RNF40: variants seen among roughly 807,000 people sequenced by gnomAD.
RNF40 encodes E3 ubiquitin-protein ligase BRE1B.
RNF40 carries 39 observed loss-of-function variants against 123.3 expected under a neutral mutation model. That is an observed-to-expected ratio of 0.32 (90% CI 0.24 to 0.41). The LOEUF is 0.41. Ranked by LOEUF, RNF40 falls within the 10% of genes least tolerant of loss-of-function variation. RNF40 has a pLI of 1.00. For missense variants in RNF40, 1,003 were observed against 1,319.9 expected, an observed-to-expected ratio of 0.76 and a Z score of 3.72; for synonymous variants, 538 against 526.0, an observed-to-expected ratio of 1.02 and a Z score of -0.31.
chr16:30,771,894 G>T lies in RNF40; in HGVS notation c.2648G>T (p.Arg883Leu). 1 of 1,609,654 alleles carries T rather than the reference G, an allele frequency of 6.2e-7. No individual in the cohort carries two copies. Among genetic ancestry groups the T allele is most frequent in the South Asian group, 1.1e-5 (1 of 90,654 alleles). The change falls in exon 18 of 20, where the codon CGG becomes CTG. Residue 883 changes from arginine to leucine, a missense_variant. By Grantham distance (102) the Arg-to-Leu change is moderately radical. Around this residue, in one of 11 missense-constraint regions of RNF40, gnomAD observed 121 missense variants for 125.3 expected, o/e 0.97. Coordinates refer to ENST00000324685, the MANE Select transcript of RNF40 (RefSeq NM_014771.4). ...GTGCAGCTGGAGCACGTGCAGACTC[G>T]GCTGCGGGAGATCCAGCCCTGCCTG... is the stretch of plus-strand genomic sequence containing the variant. ...LKVQLEHVQT[R>L]LREIQPCLAE...
chr16:30,762,771 A>G (rs2151324315), intron 2 of RNF40, 94 bp downstream of exon 2: 1 of 1,501,696 alleles, frequency 6.7e-7, no homozygotes, highest in Non-Finnish European at 9.0e-7. Flanking sequence ...CACTTCCCCA[A>G]GTTTAGCAAG....
chr16:30,765,437 T>C lies in RNF40; in HGVS notation c.931T>C (p.Tyr311His), dbSNP rs570406242. 14 of 1,614,224 alleles carry C rather than the reference T, an allele frequency of 8.7e-6. No individual in the cohort carries two copies. In the Admixed American group the frequency reaches 1.7e-4, roughly 19 times the overall value. Residue 311 changes from tyrosine to histidine, a missense_variant, in exon 8 of 20, where the codon TAC becomes CAC. This residue lies in a region of RNF40 where 274 missense variants were observed against 356.9 expected (regional missense o/e 0.77). Transcript: ENST00000324685. Reference protein sequence around the residue: ...AEALEQLNSGYYVSGSSSGFQ... With the variant: ...AEALEQLNSGHYVSGSSSGFQ... ...TTTCTCTCCACAGCTTAACTCTGGC[T>C]ACTATGTATCTGGGAGCTCCTCAGG...
At chr16:30,762,418 T>G in intron 1 of RNF40, 57 bp from the exon 2 acceptor site, 1 of 982,912 alleles carries the variant, frequency 1.0e-6, no homozygotes, top group Non-Finnish European at 1.4e-6. Flanking sequence ...GGGTGGAGGG[T>G]GTTTGGGGCT....
chr16:30,765,392 T>C (rs1279808132), intron 7 of RNF40, 33 bp from the exon 8 acceptor site: 1 of 1,614,014 alleles, frequency 6.2e-7, no homozygotes, highest in Admixed American at 1.7e-5. Context: ...TCCTCCCCTC[T>C]ACATCCATTG....
chr16:30,771,683 A>G, intron 17 of RNF40, 150 bp from the exon 18 acceptor site: 1 of 779,766 alleles, frequency 1.3e-6, no homozygotes, highest in Non-Finnish European at 2.0e-6. Flanking sequence ...GAGGGAGAAC[A>G]GGAGGGGAGG....
intron 6 of RNF40, 57 bp downstream of exon 6, chr16:30,765,116 T>C: frequency 6.2e-7 from 1 of 1,611,596 alleles, no homozygotes; most frequent in Non-Finnish European, 8.5e-7. Context: ...TTGGGTTAGA[T>C]GGGCACTCAG....
chr16:30,766,584 G>A lies in RNF40; in HGVS notation c.1293+26G>A. The A allele has an allele frequency of 6.3e-7, 1 of 1,594,124 alleles. No individual in the cohort carries two copies. The highest frequency in any genetic ancestry group is 1.3e-5 in the African/African-American group (1 of 74,704). On this transcript the variant is annotated intron_variant, in intron 10 of 19. Transcript: ENST00000324685. This position sits in a 1 kb window ranked among gnomAD's most constrained non-coding sequence, Gnocchi z 5.4. Reference sequence around the variant, plus strand: ...GTATGGCCCTGGAACAGGCGTTAGGGCTGGGCTAAGGGCCAAACCGTTAGT... The same window carrying A: ...GTATGGCCCTGGAACAGGCGTTAGGACTGGGCTAAGGGCCAAACCGTTAGT...
At chr16:30,763,360 G>GTA in intron 3 of RNF40, 58 bp from the exon 4 acceptor site, 1 of 1,605,942 alleles carries the variant, frequency 6.2e-7, no homozygotes, top group Non-Finnish European at 8.5e-7. Context: ...TAGGAAAGGA[G>GTA]TATCATGTTG....
At chr16:30,762,281 G>T (rs1377565383), upstream of RNF40, 1 of 463,868 alleles carries the variant, frequency 2.2e-6, no homozygotes, top group Admixed American at 4.2e-5. Context: ...CACCGTTGGG[G>T]GGGGGGCAGT....
At chr16:30,763,594 G>A in intron 4 of RNF40, 35 bp downstream of exon 4, 1 of 1,611,342 alleles carries the variant, frequency 6.2e-7, no homozygotes, top group African/African-American at 1.3e-5. Context: ...GGGAGCTTAA[G>A]TTCTGGGAGA....
chr16:30,774,979 T>C lies in RNF40; in HGVS notation c.*865T>C. The stretch of plus-strand genomic sequence containing the variant: ...CAGCCGCTGGGCCAACTTCCAATCA[T>C]TCCAGCTAGAAGAGCTTCCCCCTGA... On this transcript the variant is annotated 3_prime_UTR_variant, in exon 20 of 20. Transcript: ENST00000324685. 1 of 456,506 alleles carries C rather than the reference T, an allele frequency of 2.2e-6. No individual in the cohort carries two copies. Among genetic ancestry groups the C allele is most frequent in the Non-Finnish European group, 4.4e-6 (1 of 226,798 alleles). The allele number at this position is 456,506 out of a possible 1,614,324, so 28.3% of individuals were successfully genotyped here.
At chr16:30,772,962 G>GA (rs1470367490) in intron 19 of RNF40, among the ~76,000 whole-genome samples, 1 of 152,186 alleles carries the variant, frequency 6.6e-6, no homozygotes, top group Non-Finnish European at 1.5e-5. Flanking sequence ...TGGAGTGAGG[G>GA]AAAGGGAACA....
At chr16:30,763,868 T>C (rs2053964670) in intron 4 of RNF40, among the ~76,000 whole-genome samples, 1 of 152,184 alleles carries the variant, frequency 6.6e-6, no homozygotes, top group African/African-American at 2.4e-5. Context: ...ATTATAAACA[T>C]AGTAAGCAGA....
intron 5 of RNF40, 81 bp from the exon 6 acceptor site, chr16:30,764,857 G>C: frequency 6.5e-7 from 1 of 1,536,714 alleles, no homozygotes; most frequent in Non-Finnish European, 8.8e-7. Flanking sequence ...ATCACACTGG[G>C]TATATAGCAG....
chr16:30,761,621 C>T (rs905849694), upstream of RNF40: 46 of 1,536,024 alleles, frequency 3.0e-5, no homozygotes, highest in Non-Finnish European at 3.9e-5. Context: ...CACACTCGCA[C>T]GCGTCCGCGC....
chr16:30,775,350 G>A lies in RNF40; in HGVS notation c.*1236G>A. 1 of 285,756 alleles carries A rather than the reference G, an allele frequency of 3.5e-6. No individual in the cohort carries two copies. The highest frequency in any genetic ancestry group is 3.2e-5 in the South Asian group (1 of 31,744). 17.7% of individuals were successfully genotyped at this position (285,756 alleles called of 1,614,324 possible). On this transcript the variant is annotated 3_prime_UTR_variant, in exon 20 of 20. Coordinates refer to ENST00000324685, the MANE Select transcript of RNF40 (RefSeq NM_014771.4). ...TGAAGGGGAGAGCGTGGTGGTCGTC[G>A]CGGAGCCGCCTGTCCTGCTCCCACC... is the stretch of plus-strand genomic sequence containing the variant.
intron 2 of RNF40, 26 bp from the exon 3 acceptor site, chr16:30,763,092 G>C (rs1293259721): frequency 6.2e-7 from 1 of 1,612,416 alleles, no homozygotes; most frequent in Non-Finnish European, 8.5e-7. Context: ...TGACGCTCTC[G>C]TCGGCCCCTT....
rs199500667 is a variant in RNF40, at chr16:30,768,073, C to T, written c.1552-30C>T. 24 of 1,613,626 alleles carry T rather than the reference C, an allele frequency of 1.5e-5. No homozygotes were observed. The highest frequency in any genetic ancestry group is 1.9e-5 in the Non-Finnish European group (22 of 1,179,636). On this transcript the variant is annotated intron_variant, in intron 12 of 19. Coordinates refer to ENST00000324685, the MANE Select transcript of RNF40 (RefSeq NM_014771.4). This position sits in a 1 kb window ranked among gnomAD's most constrained non-coding sequence, Gnocchi z 4.1. The stretch of plus-strand genomic sequence containing the variant: ...CTAGACTCCAGTGAACACCATCTGA[C>T]TTCATCCCTCTTCCTCTCTGCCTTT...
At position 30,766,052 on chromosome 16, in the gene RNF40, C is replaced by T. The variant is rs960079833; in HGVS notation, c.994-111C>T. ...AGTACTTGGTTTGGGGTGTCAGAAT[C>T]GATCATTGCCCTGCACGGGGTGCTT... On this transcript the variant is annotated intron_variant, in intron 8 of 19. Transcript: ENST00000324685. The surrounding 1 kb of genome is among the most constrained non-coding windows in gnomAD (Gnocchi z 5.4). 1.4e-5 allele frequency: 20 copies of T among 1,474,838 alleles called. No homozygotes were observed. Among genetic ancestry groups the T allele is most frequent in the South Asian group, 1.2e-4 (10 of 82,540 alleles). 91.4% of individuals were successfully genotyped at this position (1,474,838 alleles called of 1,614,324 possible).
Sources: gnomAD v4.1 joint callset for allele counts (sites outside exome capture counted in the v4.1 genomes callset) on GRCh38, gnomAD v4.1.1 for gene constraint, gnomAD v4.1.1 regional missense constraint, Gnocchi (gnomAD v3.1) non-coding constraint, MANE v1.5 for transcripts, NCBI Gene and HGNC (gene_info 2026-07-23, HGNC 2026-07-21) for gene names.